Variants in NBAS observed in about 807,000 individuals in gnomAD.
NBAS encodes NBAS subunit of NRZ tethering complex, also known as NAG/BC035112 fusion.
A neutral mutation model predicts 302.5 loss-of-function variants in NBAS; 219 were observed. The observed-to-expected ratio is 0.72, with a 90% CI of 0.65 to 0.81. The LOEUF (loss-of-function observed/expected upper bound fraction) is 0.81, where lower values mean the gene tolerates loss of function less well. NBAS is among the 30% of genes least tolerant of loss of function. The pLI is 0.00. For missense variants in NBAS, 2,932 were observed against 2,841.6 expected (o/e 1.03, Z -0.72); for synonymous variants, 1,118 against 1,021.6 (o/e 1.09, Z -1.80).
intron 44 of NBAS, among the ~76,000 whole-genome samples, chr2:15,255,004 G>A (rs1163655926): frequency 6.6e-6 from 1 of 152,088 alleles, no homozygotes. Flanking sequence ...TTTTGCAATT[G>A]CGAATTGTGC....
At chr2:14,871,185 T>C in the NBAS span, among the ~76,000 whole-genome samples, 16 of 150,056 alleles carry the variant, frequency 1.1e-4, no homozygotes, top group Admixed American at 4.0e-4. Context: ...ATACCTATAA[T>C]TGGAGATTCT....
the NBAS span, among the ~76,000 whole-genome samples, chr2:14,978,829 T>G: frequency 6.6e-6 from 1 of 152,322 alleles, no homozygotes; most frequent in East Asian, 1.9e-4. Flanking sequence ...TCCATCTCCC[T>G]TCTCCCTTTT....
intron 48 of NBAS, among the ~76,000 whole-genome samples, chr2:15,202,042 G>C (rs1411078226): frequency 1.3e-5 from 2 of 152,198 alleles, no homozygotes; most frequent in African/African-American, 4.8e-5. Flanking sequence ...GAAAATGAGT[G>C]CCTGTTTATA....
At chr2:15,085,817 T>C in the NBAS span, among the ~76,000 whole-genome samples, 16,344 of 152,194 alleles carry the variant, frequency 0.11, 2,185 homozygotes, top group African/African-American at 0.31. Context: ...CTGGGGGCAG[T>C]GCTGACATGC....
intron 9 of NBAS, among the ~76,000 whole-genome samples, chr2:15,513,090 T>C (rs1386193190): frequency 6.6e-6 from 1 of 152,228 alleles, no homozygotes; most frequent in South Asian, 2.1e-4. Context: ...GGTTTAATTA[T>C]GGAATGTAGC....
the NBAS span, among the ~76,000 whole-genome samples, chr2:15,130,540 G>A: frequency 6.6e-6 from 1 of 152,184 alleles, no homozygotes; most frequent in Non-Finnish European, 1.5e-5. Context: ...ACAACTCTTG[G>A]AGGCAGGTCC....
chr2:15,487,294 T>C (rs1344623603), intron 12 of NBAS, among the ~76,000 whole-genome samples: 2 of 152,194 alleles, frequency 1.3e-5, no homozygotes. Flanking sequence ...AAATGAATAA[T>C]GCTTTATTTT....
chr2:14,843,545 T>A, the NBAS span, among the ~76,000 whole-genome samples: 1 of 137,772 alleles, frequency 7.3e-6, no homozygotes, highest in Non-Finnish European at 1.5e-5. Context: ...TTAACAACTA[T>A]CTACAGACAC....
the NBAS span, among the ~76,000 whole-genome samples, chr2:14,839,981 T>C: frequency 6.6e-6 from 1 of 152,056 alleles, no homozygotes; most frequent in Non-Finnish European, 1.5e-5. Flanking sequence ...GTAAGCTTTC[T>C]GGCCAAGAAT....
chr2:14,837,085 C>G, the NBAS span, among the ~76,000 whole-genome samples: 1 of 151,526 alleles, frequency 6.6e-6, no homozygotes, highest in Non-Finnish European at 1.5e-5. Flanking sequence ...TGTTACATAC[C>G]AAATCACATC....
chr2:14,805,994 T>C, the NBAS span, among the ~76,000 whole-genome samples: 4 of 152,216 alleles, frequency 2.6e-5, no homozygotes, highest in African/African-American at 4.8e-5. Flanking sequence ...GCAAGGATTA[T>C]GTCTTATACA....
intron 28 of NBAS, among the ~76,000 whole-genome samples, chr2:15,386,853 T>C (rs1245008987): frequency 1.3e-5 from 2 of 152,172 alleles, no homozygotes; most frequent in African/African-American, 4.8e-5. Flanking sequence ...TGCCAATTTT[T>C]CTACAGAGTA....
chr2:14,929,699 G>A, the NBAS span, among the ~76,000 whole-genome samples: 1,854 of 146,448 alleles, frequency 0.013, 18 homozygotes, highest in Non-Finnish European at 0.018. Context: ...TTTTTTTTTT[G>A]GCCAGAGAAT....
chr2:15,262,081 C>A (rs1301450289), intron 44 of NBAS, among the ~76,000 whole-genome samples: 2 of 152,134 alleles, frequency 1.3e-5, no homozygotes, highest in African/African-American at 4.8e-5. Context: ...TCTGCCATAC[C>A]AGGGGCCACA....
the NBAS span, among the ~76,000 whole-genome samples, chr2:14,943,093 A>C: frequency 6.6e-6 from 1 of 152,300 alleles, no homozygotes; most frequent in East Asian, 1.9e-4. Context: ...CATATTCCCC[A>C]GGCTTTTGCC....
At chr2:14,960,574 G>A in the NBAS span, among the ~76,000 whole-genome samples, 1 of 152,144 alleles carries the variant, frequency 6.6e-6, no homozygotes, top group African/African-American at 2.4e-5. Context: ...GAAGAAGTCT[G>A]CTTTAAAACA....
intron 6 of NBAS, among the ~76,000 whole-genome samples, chr2:15,543,021 G>T (rs1235094611): frequency 6.6e-6 from 1 of 152,206 alleles, no homozygotes; most frequent in African/African-American, 2.4e-5. Context: ...GATTTTTCCA[G>T]TTGCTCGTGT....
rs778810669 is a variant in NBAS at position 15,234,557 on chromosome 2, A to G, written c.6134T>C (p.Ile2045Thr). 6.2e-7 allele frequency: 1 copy of G among 1,613,938 alleles called. No individual in the cohort carries two copies. Among genetic ancestry groups the G allele is most frequent in the South Asian group, 1.1e-5 (1 of 91,084 alleles). The change falls in exon 46 of 52, where the codon ATT (isoleucine) becomes ACT (threonine). Residue 2045 changes from isoleucine to threonine, a missense_variant. Ile to Thr is a moderately conservative substitution (Grantham distance 89). Transcript: ENST00000281513. The stretch of plus-strand genomic sequence containing the variant: ...CTTTCTAGCTTACCTCAATGCAGAA[A>G]TTATTTTCATGATTGCACTCTGCAC... The part of the protein sequence containing the change: ...DIVQSAIMKI[I>T]SALSGGSADL...
chr2:15,177,161 G>A (rs1455265633), intron 51 of NBAS, among the ~76,000 whole-genome samples: 5 of 152,144 alleles, frequency 3.3e-5, no homozygotes, highest in South Asian at 2.1e-4. Flanking sequence ...CAGACGTTTC[G>A]TGCGCTATCA....
Sources: gnomAD v4.1 joint callset for allele counts (sites outside exome capture counted in the v4.1 genomes callset) on GRCh38, gnomAD v4.1.1 for gene constraint, MANE v1.5 for transcripts, NCBI Gene and HGNC (gene_info 2026-07-23, HGNC 2026-07-21) for gene names.